Variants in NAIF1 observed in about 807,000 individuals in gnomAD.
NAIF1 encodes nuclear apoptosis inducing factor 1, also known as nuclear apoptosis-inducing factor 1.
Under a neutral mutation model 20.7 loss-of-function variants are expected in NAIF1, and 14 were observed. The observed-to-expected ratio is 0.67, with a 90% confidence interval of 0.45 to 1.05. The LOEUF is 1.05. NAIF1 is among the 50% of genes least tolerant of loss of function. NAIF1 has a pLI of 0.00. For synonymous variants in NAIF1, 191 were observed against 191.4 expected, an observed-to-expected ratio of 1.00 and a Z score of 0.02; for missense variants, 362 against 448.8, an observed-to-expected ratio of 0.81 and a Z score of 1.75.
chr9:128,064,790 G>A (rs1006887011), intron 1 of NAIF1, among the ~76,000 whole-genome samples: 5 of 152,112 alleles, frequency 3.3e-5, no homozygotes, highest in Admixed American at 6.5e-5. Flanking sequence ...ATTACCTGAG[G>A]TCAGGAGTTC....
chr9:128,064,151 C>T (rs896432179), intron 1 of NAIF1, among the ~76,000 whole-genome samples: 3 of 137,894 alleles, frequency 2.2e-5, no homozygotes, highest in East Asian at 4.4e-4. Flanking sequence ...TGCTGTGGCG[C>T]GATCTCCGCT....
rs1832738638 is a variant in NAIF1 at position 128,063,247 on chromosome 9, G to A, written c.*181C>T. On this transcript the variant is annotated 3_prime_UTR_variant, in exon 2 of 2. Coordinates refer to ENST00000373078, the MANE Select transcript of NAIF1 (RefSeq NM_197956.4). The surrounding 1 kb of genome is among the most constrained non-coding windows in gnomAD (Gnocchi z 4.3). ...AAGGCAGCTCAAGTAGGGGGAGTAT[G>A]AGTTTGGGTCCCAGGAGCCCAACAA... 1.6e-6 allele frequency: 1 copy of A among 616,562 alleles called. No individual in the cohort carries two copies. The highest frequency in any genetic ancestry group is 2.8e-6 in the Non-Finnish European group (1 of 353,540). 38.2% of individuals were successfully genotyped at this position (616,562 alleles called of 1,614,324 possible). A position where few individuals can be genotyped will look rare whatever the true frequency, so the allele number is the denominator to read the frequency against.
At position 128,063,754 on chromosome 9, in the gene NAIF1, T is replaced by C; in HGVS notation, c.658A>G (p.Ser220Gly). ...TTGGCGGAGTTGAGAGCAATGCGGCTCTTGAGCGCTTGCGGCTTGACCGAC... is the reference window on the plus strand; with the variant it reads ...TTGGCGGAGTTGAGAGCAATGCGGCCCTTGAGCGCTTGCGGCTTGACCGAC... The part of the protein sequence containing the change: ...DTSVKPQALK[S>G]RIALNSAKLI... The change falls in exon 2 of 2, where the codon AGC becomes GGC. Residue 220 changes from serine to glycine, a missense_variant. Coordinates refer to ENST00000373078, the MANE Select transcript of NAIF1 (RefSeq NM_197956.4). The surrounding 1 kb of genome is among the most constrained non-coding windows in gnomAD (Gnocchi z 4.3). 1 of 1,614,180 alleles carries C rather than the reference T, an allele frequency of 6.2e-7. No individual in the cohort carries two copies. The highest frequency in any genetic ancestry group is 8.5e-7 in the Non-Finnish European group (1 of 1,180,038).
chr9:128,065,976 A>G (rs904676655), intron 1 of NAIF1, among the ~76,000 whole-genome samples: 3 of 152,016 alleles, frequency 2.0e-5, no homozygotes, highest in Non-Finnish European at 4.4e-5. Flanking sequence ...CTATTCCTAT[A>G]TGTGTCATCT....
In NAIF1 at chr9:128,066,691, G is replaced by A. The variant is rs751802570; in HGVS notation, c.411C>T (p.Gly137=). Residue 137 remains glycine (G), a synonymous_variant, in exon 1 of 2, where the codon GGC becomes GGT. Coordinates refer to ENST00000373078, the MANE Select transcript of NAIF1 (RefSeq NM_197956.4). ...PMQQRICNLL[G]EATIISLPST... ...TGGGCAGGCTGATGATGGTGGCCTCGCCCAGCAGGTTGCAGATACGTTGTT... is the reference window on the plus strand; with the variant it reads ...TGGGCAGGCTGATGATGGTGGCCTCACCCAGCAGGTTGCAGATACGTTGTT... 11 of 1,609,820 alleles carry A rather than the reference G, an allele frequency of 6.8e-6. No individual in the cohort carries two copies. Among genetic ancestry groups the A allele is most frequent in the East Asian group, 2.2e-5 (1 of 44,852 alleles).
intron 1 of NAIF1, among the ~76,000 whole-genome samples, chr9:128,064,502 C>T (rs1165691544): frequency 1.3e-5 from 2 of 152,218 alleles, no homozygotes; most frequent in Non-Finnish European, 2.9e-5. Context: ...ACTTTGTACT[C>T]ATTAGCTCAA....
In NAIF1 at chr9:128,063,038, C is replaced by G. The variant is rs1417936505; in HGVS notation, c.*390G>C. 1 of 222,150 alleles carries G rather than the reference C, an allele frequency of 4.5e-6. No individual in the cohort carries two copies. Among genetic ancestry groups the G allele is most frequent in the Non-Finnish European group, 9.0e-6 (1 of 110,636 alleles). The allele number at this position is 222,150 out of a possible 1,614,324, so 13.8% of individuals were successfully genotyped here. A position where few individuals can be genotyped will look rare whatever the true frequency, so the allele number is the denominator to read the frequency against. On this transcript the variant is annotated 3_prime_UTR_variant, in exon 2 of 2. Transcript: ENST00000373078. This position sits in a 1 kb window ranked among gnomAD's most constrained non-coding sequence, Gnocchi z 4.3. ...ATTACCCTACTCGAAAGGATGGCACCTGGGGTTGGGCAGCTCAGTAGAGAC... is the reference window on the plus strand; with the variant it reads ...ATTACCCTACTCGAAAGGATGGCACGTGGGGTTGGGCAGCTCAGTAGAGAC...
At chr9:128,064,965 C>T (rs1044793703) in intron 1 of NAIF1, among the ~76,000 whole-genome samples, 4 of 131,722 alleles carry the variant, frequency 3.0e-5, no homozygotes, top group Admixed American at 8.5e-5. Context: ...AGCAAAACTC[C>T]ATCTCATAAA....
chr9:128,067,190 C>G lies in NAIF1; in HGVS notation c.-89G>C. The stretch of plus-strand genomic sequence containing the variant: ...TCTTCTTCCTCAGCCTCGCCCCTCA[C>G]CCACCCCCTACAGGGGATAGGCCAG... On this transcript the variant is annotated 5_prime_UTR_variant, in exon 1 of 2. Transcript: ENST00000373078. The G allele has an allele frequency of 6.8e-7, 1 of 1,473,838 alleles. No homozygotes were observed. The highest frequency in any genetic ancestry group is 9.1e-7 in the Non-Finnish European group (1 of 1,100,484). The allele number at this position is 1,473,838 out of a possible 1,614,324, so 91.3% of individuals were successfully genotyped here.
intron 1 of NAIF1, among the ~76,000 whole-genome samples, chr9:128,064,728 C>T (rs529027312): frequency 4.7e-4 from 72 of 151,982 alleles, no homozygotes; most frequent in African/African-American, 1.6e-3. Context: ...CCCGGCCGGG[C>T]GCGGTGGCTC....
At position 128,061,475 on chromosome 9, in the gene NAIF1, C is replaced by CA. The variant is rs1169170735; in HGVS notation, c.*1952dup. 3 of 152,284 alleles carry CA rather than the reference C, an allele frequency of 2.0e-5. No individual in the cohort carries two copies. The highest frequency in any genetic ancestry group is 4.4e-5 in the Non-Finnish European group (3 of 68,088). The allele number at this position is 152,284 out of a possible 1,614,324, so 9.4% of individuals were successfully genotyped here. On this transcript the variant is annotated 3_prime_UTR_variant, in exon 2 of 2. Coordinates refer to ENST00000373078, the MANE Select transcript of NAIF1 (RefSeq NM_197956.4). ...TGCTAGGCTGCTCTTAATCCAGCCACACTGAGAAGAGCTTTCCTTCTACCA... is the reference window on the plus strand; with the variant it reads ...TGCTAGGCTGCTCTTAATCCAGCCACAACTGAGAAGAGCTTTCCTTCTACCA...
chr9:128,064,739 A>C (rs1832759124), intron 1 of NAIF1, among the ~76,000 whole-genome samples: 1 of 151,882 alleles, frequency 6.6e-6, no homozygotes, highest in African/African-American at 2.4e-5. Flanking sequence ...GCGGTGGCTC[A>C]CGCTTGTAAT....
intron 1 of NAIF1, among the ~76,000 whole-genome samples, chr9:128,065,791 T>C (rs1588734909): frequency 6.6e-6 from 1 of 152,130 alleles, no homozygotes; most frequent in East Asian, 1.9e-4. Context: ...GTTAGTTCTG[T>C]TGTCATTCCT....
chr9:128,067,269 T>C lies in NAIF1; in HGVS notation c.-168A>G, dbSNP rs921407389. ...TGGTAACCCCCCTCGCTACGCAAAG[T>C]GCGTAGGGCCCAGCCCCGACCGGCC... On this transcript the variant is annotated 5_prime_UTR_variant, in exon 1 of 2. Transcript: ENST00000373078. 8.6e-6 allele frequency: 7 copies of C among 816,420 alleles called. No homozygotes were observed. The East Asian group carries it at 1.9e-4, about 23-fold the overall frequency. 50.6% of individuals were successfully genotyped at this position (816,420 alleles called of 1,614,324 possible).
rs571727781 is a variant in NAIF1 at position 128,067,257 on chromosome 9, C to G, written c.-156G>C. 4.8e-5 allele frequency: 44 copies of G among 921,248 alleles called. 1 individual carries two copies. In the South Asian group the frequency reaches 8.2e-4, roughly 17 times the overall value. The allele number at this position is 921,248 out of a possible 1,614,324, so 57.1% of individuals were successfully genotyped here. On this transcript the variant is annotated 5_prime_UTR_variant, in exon 1 of 2. Coordinates refer to ENST00000373078, the MANE Select transcript of NAIF1 (RefSeq NM_197956.4). ...GCACTAGGCCTTTGGTAACCCCCCT[C>G]GCTACGCAAAGTGCGTAGGGCCCAG...
At position 128,062,649 on chromosome 9, in the gene NAIF1, AG is replaced by A. The variant is rs1360313089; in HGVS notation, c.*778del. 3 of 152,210 alleles carry A rather than the reference AG, an allele frequency of 2.0e-5. No homozygotes were observed. Among genetic ancestry groups the A allele is most frequent in the African/African-American group, 7.2e-5 (3 of 41,440 alleles). 9.4% of individuals were successfully genotyped at this position (152,210 alleles called of 1,614,324 possible). A position where few individuals can be genotyped will look rare whatever the true frequency, so the allele number is the denominator to read the frequency against. ...CAGTGGGGCAGCAAGCTTCCACACT[AG>A]TTGGCTTTCTCAAAAATTTACAGCA... On this transcript the variant is annotated 3_prime_UTR_variant, in exon 2 of 2. Coordinates refer to ENST00000373078, the MANE Select transcript of NAIF1 (RefSeq NM_197956.4).
Position 128,063,965 on chromosome 9 carries a change from T to G in NAIF1, c.512-65A>C. ...TCTGGAAGGAATAAAGCTGGCTGTA[T>G]GGGGTGGGGAGGAGGCCATAAAGTC... is the stretch of plus-strand genomic sequence containing the variant. On this transcript the variant is annotated intron_variant, in intron 1 of 1. Coordinates refer to ENST00000373078, the MANE Select transcript of NAIF1 (RefSeq NM_197956.4). This position sits in a 1 kb window ranked among gnomAD's most constrained non-coding sequence, Gnocchi z 4.3. 1 of 1,468,002 alleles carries G rather than the reference T, an allele frequency of 6.8e-7. No homozygotes were observed. Among genetic ancestry groups the G allele is most frequent in the Non-Finnish European group, 9.3e-7 (1 of 1,080,574 alleles). The allele number at this position is 1,468,002 out of a possible 1,614,324, so 90.9% of individuals were successfully genotyped here. A position where few individuals can be genotyped will look rare whatever the true frequency, so the allele number is the denominator to read the frequency against.
chr9:128,063,993 G>T lies in NAIF1; in HGVS notation c.512-93C>A. 9.2e-7 allele frequency: 1 copy of T among 1,087,878 alleles called. No homozygotes were observed. Among genetic ancestry groups the T allele is most frequent in the Non-Finnish European group, 1.3e-6 (1 of 764,238 alleles). The allele number at this position is 1,087,878 out of a possible 1,614,324, so 67.4% of individuals were successfully genotyped here. On this transcript the variant is annotated intron_variant, in intron 1 of 1. Coordinates refer to ENST00000373078, the MANE Select transcript of NAIF1 (RefSeq NM_197956.4). The surrounding 1 kb of genome is among the most constrained non-coding windows in gnomAD (Gnocchi z 4.3). Reference sequence around the variant, plus strand: ...GGTGGGGAGGAGGCCATAAAGTCCTGTCCTGGAGGGACATAAAGGGGAATC... The same window carrying T: ...GGTGGGGAGGAGGCCATAAAGTCCTTTCCTGGAGGGACATAAAGGGGAATC...
At chr9:128,066,258 C>T in intron 1 of NAIF1, 1 of 299,902 alleles carries the variant, frequency 3.3e-6, no homozygotes, top group African/African-American at 2.1e-5. Context: ...CTACTACAAG[C>T]CGGGCCCTGT....
Sources: allele counts gnomAD v4.1 joint callset (sites outside exome capture counted in the v4.1 genomes callset), GRCh38; gene constraint gnomAD v4.1.1; non-coding constraint Gnocchi (gnomAD v3.1); transcripts MANE v1.5; gene names NCBI Gene and HGNC (gene_info 2026-07-23, HGNC 2026-07-21).